The following PVT1 variants were observed in gnomAD, a reference collection of about 807,000 sequenced individuals.
PVT1 encodes Pvt1 oncogene, also known as CXCR4/PVT1 fusion.
intron 5 of PVT1, chr8:128,070,440 C>T (rs1048240041): frequency 6.6e-6 from 1 of 152,246 alleles, no homozygotes; most frequent in East Asian, 1.9e-4. Flanking sequence ...CCAGTTTACA[C>T]TTCCACAGGC....
chr8:127,799,831 A>G (rs1341746262), intron 2 of PVT1, among the ~76,000 whole-genome samples: 1 of 152,244 alleles, frequency 6.6e-6, no homozygotes, highest in East Asian at 1.9e-4. Context: ...GTGGTTTCTG[A>G]ATAGAAAGGC....
At chr8:128,008,626 T>G (rs2130031361) in intron 4 of PVT1, among the ~76,000 whole-genome samples, 1 of 152,386 alleles carries the variant, frequency 6.6e-6, no homozygotes, top group Non-Finnish European at 1.5e-5. Flanking sequence ...TCTGGGTTCC[T>G]CTGCTTCTCT....
In PVT1 at chr8:127,986,439, G is replaced by T. The variant is rs115164560; in HGVS notation, n.783-2723G>T. 6.6e-5 allele frequency among the ~76,000 whole-genome samples: 10 copies of T among 152,284 alleles called. No homozygotes were observed. In the South Asian group the frequency reaches 1.0e-3, roughly 16 times the overall value. ...CCCATGGCTTGCTCGGCCACATCAG[G>T]TGCAGGGACCTCAGTCAACCACACA... On this transcript the variant is annotated intron_variant and non_coding_transcript_variant, in intron 3 of 10. Transcript: ENST00000651587.
intron 2 of PVT1, among the ~76,000 whole-genome samples, chr8:127,827,154 C>T (rs752514366): frequency 1.7e-4 from 26 of 152,164 alleles, no homozygotes; most frequent in Middle Eastern, 6.8e-3. Context: ...TGCCACCATG[C>T]CCAGCTAATT....
chr8:127,903,145 G>GTATC (rs1465362663), intron 3 of PVT1, among the ~76,000 whole-genome samples: 2 of 152,156 alleles, frequency 1.3e-5, no homozygotes, highest in Non-Finnish European at 2.9e-5. Context: ...GGCATGAAAT[G>GTATC]TATCTCATTG....
chr8:127,913,212 G>A lies in PVT1; in HGVS notation n.782+22214G>A, dbSNP rs57798240. ...CTTGTCCAAGAGCCTTTCTGTCCAG[G>A]TGTTTTCATGGTGCCTGTGCCTTCT... On this transcript the variant is annotated intron_variant and non_coding_transcript_variant, in intron 3 of 10. Coordinates refer to ENST00000651587, the Ensembl canonical transcript of PVT1. Among the ~76,000 whole-genome samples the A allele has an allele frequency of 4.3e-3, 650 of 152,306 alleles. 4 individuals carry two copies. Among genetic ancestry groups the A allele is most frequent in the African/African-American group, 0.015 (619 of 41,568 alleles).
intron 3 of PVT1, among the ~76,000 whole-genome samples, chr8:127,959,848 C>T (rs1471961626): frequency 1.3e-5 from 2 of 152,102 alleles, no homozygotes; most frequent in African/African-American, 4.8e-5. Flanking sequence ...ACTCCTAGCC[C>T]CAAGTGCAAT....
intron 3 of PVT1, among the ~76,000 whole-genome samples, chr8:127,926,795 ATCCTTG>A (rs1816135485): frequency 6.6e-6 from 1 of 151,994 alleles, no homozygotes; most frequent in South Asian, 2.1e-4. Flanking sequence ...TGACTTGGAG[ATCCTTG>A]GCCTGCTGGC....
intron 2 of PVT1, among the ~76,000 whole-genome samples, chr8:127,802,759 G>A (rs1320699450): frequency 1.3e-5 from 2 of 152,212 alleles, no homozygotes; most frequent in Non-Finnish European, 2.9e-5. Flanking sequence ...CCGTGAATGA[G>A]AAACCGTTGC....
chr8:127,908,583 G>A (rs914913684), intron 3 of PVT1, among the ~76,000 whole-genome samples: 5 of 151,908 alleles, frequency 3.3e-5, no homozygotes, highest in Admixed American at 6.6e-5. Flanking sequence ...CTTGTGATCC[G>A]CCCACCTCAG....
chr8:127,924,206 T>C (rs1041486549), intron 3 of PVT1, among the ~76,000 whole-genome samples: 2 of 152,230 alleles, frequency 1.3e-5, no homozygotes, highest in African/African-American at 4.8e-5. Context: ...GATCCATCAT[T>C]GCTGGTGTTA....
At chr8:128,060,837 A>G (rs1443823468) in intron 4 of PVT1, among the ~76,000 whole-genome samples, 4 of 152,096 alleles carry the variant, frequency 2.6e-5, no homozygotes, top group Admixed American at 6.6e-5. Context: ...TCCTCATCTC[A>G]AAAGAAAGTC....
intron 3 of PVT1, among the ~76,000 whole-genome samples, chr8:127,970,301 T>TTTTTG (rs1816750927): frequency 8.0e-6 from 1 of 124,346 alleles, no homozygotes; most frequent in Admixed American, 8.3e-5. Context: ...TTTTTTTTTT[T>TTTTTG]TTTTTTTTTT....
At chr8:127,814,909 G>A (rs1406754909) in intron 2 of PVT1, among the ~76,000 whole-genome samples, 1 of 152,064 alleles carries the variant, frequency 6.6e-6, no homozygotes, top group Non-Finnish European at 1.5e-5. Context: ...CGTATAGGTG[G>A]AATCATAGTA....
chr8:127,908,099 C>T (rs920745021), intron 3 of PVT1, among the ~76,000 whole-genome samples: 4 of 152,092 alleles, frequency 2.6e-5, no homozygotes, highest in African/African-American at 9.7e-5. Context: ...TTATGGCTGC[C>T]TCATCTTTTT....
intron 5 of PVT1, among the ~76,000 whole-genome samples, chr8:128,090,166 T>C (rs1489803576): frequency 2.0e-5 from 3 of 152,170 alleles, no homozygotes; most frequent in East Asian, 3.8e-4. Flanking sequence ...AAAAAAGTCT[T>C]TCCCAGGGCC....
At chr8:127,925,069 A>G (rs759590902) in intron 3 of PVT1, among the ~76,000 whole-genome samples, 3 of 152,204 alleles carry the variant, frequency 2.0e-5, no homozygotes, top group Admixed American at 6.5e-5. Flanking sequence ...TATTCCCACA[A>G]TTCTCTGCGT....
rs1401649974 is a variant in PVT1 at position 127,841,502 on chromosome 8, G to A, written n.372+45431G>A. Among the ~76,000 whole-genome samples, 3 of 152,210 alleles carry A rather than the reference G, an allele frequency of 2.0e-5. No homozygotes were observed. In the East Asian group the frequency reaches 5.8e-4, roughly 29 times the overall value. Reference sequence around the variant, plus strand: ...TTGGCCAGTCTGGTCTTGAACTCCTGACCTCAAGTGATCTGCCCACTTCAG... The same window carrying A: ...TTGGCCAGTCTGGTCTTGAACTCCTAACCTCAAGTGATCTGCCCACTTCAG... On this transcript the variant is annotated intron_variant and non_coding_transcript_variant, in intron 2 of 10. Coordinates refer to ENST00000651587, the Ensembl canonical transcript of PVT1.
intron 4 of PVT1, among the ~76,000 whole-genome samples, chr8:128,008,263 G>A (rs1817271281): frequency 1.3e-5 from 2 of 152,154 alleles, no homozygotes; most frequent in Admixed American, 1.3e-4. Context: ...TTTTTGTGCA[G>A]GATTGTATAC....
Sources: gnomAD v4.1 joint callset for allele counts (sites outside exome capture counted in the v4.1 genomes callset) on GRCh38, gnomAD v4.1.1 for gene constraint, MANE v1.5 for transcripts, NCBI Gene and HGNC (gene_info 2026-07-23, HGNC 2026-07-21) for gene names.